Variants in TMEM67 observed in about 807,000 individuals in gnomAD.
The protein encoded by TMEM67 is meckelin.
In TMEM67, 124 loss-of-function variants were observed where a neutral mutation model predicts 136.6. The observed-to-expected ratio is 0.91, with a 90% confidence interval of 0.78 to 1.05. The LOEUF (loss-of-function observed/expected upper bound fraction) is 1.05, where lower values mean the gene tolerates loss of function less well. TMEM67 is among the 50% of genes least tolerant of loss of function. The pLI is 0.00. For missense variants in TMEM67, 1,107 were observed against 1,178.4 expected (o/e 0.94, Z 0.89); for synonymous variants, 364 against 390.5 (o/e 0.93, Z 0.80).
intron 17 of TMEM67, 49 bp downstream of exon 17, chr8:93,795,556 A>G: frequency 6.9e-7 from 1 of 1,451,532 alleles, no homozygotes; most frequent in East Asian, 2.3e-5. Context: ...TGAATAGTTG[A>G]AAAGCTTTCT....
At chr8:93,826,403 A>C in the TMEM67 span, among the ~76,000 whole-genome samples, 1 of 152,096 alleles carries the variant, frequency 6.6e-6, no homozygotes, top group Non-Finnish European at 1.5e-5. Context: ...TGCTGGGATT[A>C]GTTAATCAGG....
chr8:93,803,537 A>G (rs1814958828), intron 21 of TMEM67, 67 bp from the exon 22 acceptor site: 1 of 1,039,052 alleles, frequency 9.6e-7, no homozygotes, highest in East Asian at 2.4e-5. Flanking sequence ...AAGATGCTAC[A>G]CTGTGGCTGT....
chr8:93,793,431 C>A, intron 16 of TMEM67, 135 bp downstream of exon 16: 2 of 748,990 alleles, frequency 2.7e-6, no homozygotes, highest in Non-Finnish European at 4.6e-6. Flanking sequence ...GTAAGTATTG[C>A]TGGGTCATAT....
At chr8:93,824,016 G>A (rs1333274038), downstream of TMEM67, among the ~76,000 whole-genome samples, 1 of 152,168 alleles carries the variant, frequency 6.6e-6, no homozygotes, top group Non-Finnish European at 1.5e-5. Flanking sequence ...TTTGGGAAAG[G>A]TCTGCTCCTT....
intron 17 of TMEM67, 107 bp downstream of exon 17, chr8:93,795,614 T>C: frequency 1.0e-6 from 1 of 1,002,828 alleles, no homozygotes; most frequent in Non-Finnish European, 1.6e-6. Context: ...TCAACAGTAT[T>C]AAGAAAAGTT....
intron 16 of TMEM67, among the ~76,000 whole-genome samples, chr8:93,794,340 A>G (rs1814514872): frequency 6.6e-6 from 1 of 152,124 alleles, no homozygotes; most frequent in Admixed American, 6.6e-5. Flanking sequence ...CTTTCACTTC[A>G]TGGTTAACCT....
intron 15 of TMEM67, among the ~76,000 whole-genome samples, chr8:93,791,572 C>T (rs1814376651): frequency 6.6e-6 from 1 of 152,110 alleles, no homozygotes; most frequent in South Asian, 2.1e-4. Context: ...TCTAGGGTCA[C>T]ATATTGCTTT....
intron 23 of TMEM67, among the ~76,000 whole-genome samples, chr8:93,806,192 A>G (rs1396786055): frequency 6.6e-6 from 1 of 152,174 alleles, no homozygotes; most frequent in Non-Finnish European, 1.5e-5. Flanking sequence ...CAGTGTACGA[A>G]CTATTACATT....
chr8:93,755,229 A>AT, intron 1 of TMEM67, 92 bp downstream of exon 1: 1 of 1,257,910 alleles, frequency 7.9e-7, no homozygotes, highest in South Asian at 1.2e-5. Context: ...CATGTTGATC[A>AT]GGCTAGTCTC....
At chr8:93,767,071 C>T (rs1014896390) in intron 6 of TMEM67, among the ~76,000 whole-genome samples, 3 of 152,204 alleles carry the variant, frequency 2.0e-5, no homozygotes, top group African/African-American at 7.2e-5. Context: ...GATCCCCAAT[C>T]ATTTAATGGT....
At chr8:93,776,782 A>G (rs1265658836) in intron 7 of TMEM67, among the ~76,000 whole-genome samples, 1 of 152,136 alleles carries the variant, frequency 6.6e-6, no homozygotes, top group African/African-American at 2.4e-5. Context: ...TTTTGCATCG[A>G]TGTTCATCAG....
downstream of TMEM67, among the ~76,000 whole-genome samples, chr8:93,821,026 A>C (rs1166360727): frequency 6.6e-6 from 1 of 152,198 alleles, no homozygotes; most frequent in African/African-American, 2.4e-5. Flanking sequence ...CAGTAGAATG[A>C]AGTCCAGGGA....
Position 93,786,246 on chromosome 8 carries a change from C to T in TMEM67, c.1312C>T (p.Leu438=). ...NQDSNSGKWL[L]TRRIFLVDAV... ...AGACAGCAACTCTGGAAAGTGGCTT[C>T]TAACTCGGCGCATTTTCTTAGTGGA... The change falls in exon 13 of 28, where the codon CTA becomes TTA. Residue 438 remains leucine (L), a synonymous_variant. Transcript: ENST00000453321. 6.2e-7 allele frequency: 1 copy of T among 1,614,040 alleles called. No individual in the cohort carries two copies. Among genetic ancestry groups the T allele is most frequent in the Non-Finnish European group, 8.5e-7 (1 of 1,179,978 alleles).
intron 13 of TMEM67, among the ~76,000 whole-genome samples, chr8:93,786,717 A>C (rs949324798): frequency 6.6e-6 from 1 of 152,166 alleles, no homozygotes; most frequent in East Asian, 1.9e-4. Context: ...CTTTTGTTCT[A>C]GGTTTACCCA....
intron 21 of TMEM67, among the ~76,000 whole-genome samples, chr8:93,801,600 C>A (rs910842770): frequency 6.6e-6 from 1 of 151,976 alleles, no homozygotes; most frequent in Non-Finnish European, 1.5e-5. Context: ...CGGGGTTTTA[C>A]CATGTTGGCC....
rs569346767 is a variant in TMEM67 at position 93,772,573 on chromosome 8, A to G, written c.652-16A>G. The G allele has an allele frequency of 1.5e-5, 24 of 1,601,848 alleles. No individual in the cohort carries two copies. Among genetic ancestry groups the G allele is most frequent in the South Asian group, 1.2e-4 (11 of 90,402 alleles). On this transcript the variant is annotated splice_polypyrimidine_tract_variant and intron_variant, in intron 6 of 27. Coordinates refer to ENST00000453321, the MANE Select transcript of TMEM67 (RefSeq NM_153704.6). ...TCATTTGAACTTAAAAATAAAATGT[A>G]TCTTTTTGTTTACAGGGCATGTCTT...
chr8:93,819,246 G>C (rs1422089261), downstream of TMEM67: 2 of 429,592 alleles, frequency 4.7e-6, no homozygotes, highest in South Asian at 3.5e-5. Context: ...TCAGATTACT[G>C]ATCTCAATAA....
chr8:93,780,402 T>A (rs1321011942), intron 7 of TMEM67, among the ~76,000 whole-genome samples, 191 bp from the exon 8 acceptor site: 2 of 152,114 alleles, frequency 1.3e-5, no homozygotes, highest in African/African-American at 2.4e-5. Context: ...CCCAATGAGA[T>A]GAACCAGGTA....
chr8:93,787,999 A>C (rs568383730), intron 14 of TMEM67, 50 bp downstream of exon 14: 15 of 1,370,844 alleles, frequency 1.1e-5, no homozygotes, highest in Non-Finnish European at 1.5e-5. Flanking sequence ...AGAGTATAAT[A>C]CTGATTCAGT....
Sources: allele counts gnomAD v4.1 joint callset (sites outside exome capture counted in the v4.1 genomes callset), GRCh38; gene constraint gnomAD v4.1.1; transcripts MANE v1.5; gene names NCBI Gene and HGNC (gene_info 2026-07-23, HGNC 2026-07-21).